The following GLI3 variants were observed in gnomAD, a reference collection of about 807,000 sequenced individuals.
GLI3 encodes GLI family zinc finger 3.
A neutral mutation model predicts 100.8 loss-of-function variants in GLI3; 20 were observed. The ratio of observed to expected loss-of-function variants is 0.20; its 90% CI spans 0.14 to 0.29. The LOEUF (loss-of-function observed/expected upper bound fraction) is 0.29. GLI3 is among the 10% of genes least tolerant of loss of function. GLI3 has a pLI of 1.00. For synonymous variants in GLI3, 938 were observed against 860.5 expected (o/e 1.09, Z -1.58); for missense variants, 2,040 against 2,128.5 (o/e 0.96, Z 0.82).
At chr7:42,016,071 G>C (rs1788751986) in intron 10 of GLI3, among the ~76,000 whole-genome samples, 1 of 152,078 alleles carries the variant, frequency 6.6e-6, no homozygotes, top group Non-Finnish European at 1.5e-5. Flanking sequence ...GCATCTCATG[G>C]GGAGAGGCCT....
chr7:42,237,741 C>T (rs1583669911), upstream of GLI3: 1 of 152,242 alleles, frequency 6.6e-6, no homozygotes, highest in Non-Finnish European at 1.5e-5. Flanking sequence ...CCTGCCGCCG[C>T]AGGGGGCGAA....
At chr7:41,977,476 C>T in intron 12 of GLI3, 82 bp downstream of exon 12, 10 of 1,415,798 alleles carry the variant, frequency 7.1e-6, no homozygotes, top group Non-Finnish European at 9.9e-6. Flanking sequence ...CAAAACAGAA[C>T]ACACTGCGCC....
chr7:42,085,119 C>A (rs116722714), intron 3 of GLI3, among the ~76,000 whole-genome samples: 4,522 of 151,766 alleles, frequency 0.03, 95 homozygotes, highest in African/African-American at 0.05. Flanking sequence ...ACCATGTGAG[C>A]CAGGCTGGTC....
chr7:42,148,465 T>C lies in GLI3; in HGVS notation c.128A>G (p.Asp43Gly). The C allele has an allele frequency of 1.2e-6, 2 of 1,613,596 alleles. No homozygotes were observed. Among genetic ancestry groups the C allele is most frequent in the Middle Eastern group, 1.7e-4 (1 of 6,048 alleles). Reference sequence around the variant, plus strand: ...GTGATAAGTCTGTCCAGGACTTTCATCCTCTAAAGAAAGAAGAAAAATGAA... The same window carrying C: ...GTGATAAGTCTGTCCAGGACTTTCACCCTCTAAAGAAAGAAGAAAAATGAA... Reference protein sequence around the residue: ...AVASSTTSNEDESPGQTYHRE... With the variant: ...AVASSTTSNEGESPGQTYHRE... Residue 43 changes from aspartate (D) to glycine (G), a missense_variant, in exon 3 of 15, where the codon GAT becomes GGT. Coordinates refer to ENST00000395925, the MANE Select transcript of GLI3 (RefSeq NM_000168.6).
At chr7:42,132,100 C>T (rs549413859) in intron 3 of GLI3, among the ~76,000 whole-genome samples, 49 of 128,714 alleles carry the variant, frequency 3.8e-4, no homozygotes, top group Middle Eastern at 4.0e-3. Context: ...TTTATTTATT[C>T]ATTTATTTAT....
intron 3 of GLI3, among the ~76,000 whole-genome samples, chr7:42,134,096 G>GA (rs897480480): frequency 5.1e-5 from 7 of 136,626 alleles, no homozygotes; most frequent in Middle Eastern, 4.0e-3. Flanking sequence ...AAAAAAAAAA[G>GA]AAAAAAAAAT....
intron 2 of GLI3, among the ~76,000 whole-genome samples, chr7:42,171,125 G>C (rs917227051): frequency 6.6e-6 from 1 of 152,108 alleles, no homozygotes; most frequent in African/African-American, 2.4e-5. Context: ...TCTCACCTTA[G>C]CTTCTAATAA....
At position 42,048,569 on chromosome 7, in the gene GLI3, T is replaced by C. The variant is rs766434502; in HGVS notation, c.601A>G (p.Met201Val). 1.9e-6 allele frequency: 3 copies of C among 1,612,402 alleles called. No individual in the cohort carries two copies. The highest frequency in any genetic ancestry group is 1.7e-5 in the Admixed American group (1 of 59,834). Residue 201 changes from methionine (M) to valine (V), a missense_variant, in exon 5 of 15, where the codon ATG becomes GTG. Coordinates refer to ENST00000395925, the MANE Select transcript of GLI3 (RefSeq NM_000168.6). ...SPPHPYINPY[M>V]DYIRSLHSSP... ...CTGTGCAAGGAGCGGATATAGTCCA[T>C]GTAGGGATTAATGTAGGGATGTGGA... is the stretch of plus-strand genomic sequence containing the variant.
chr7:42,132,003 C>A (rs1044914709), intron 3 of GLI3, among the ~76,000 whole-genome samples: 2 of 152,030 alleles, frequency 1.3e-5, no homozygotes, highest in African/African-American at 4.8e-5. Context: ...GTGACAAGTG[C>A]CCCTGGGACT....
chr7:42,040,249 A>G lies in GLI3; in HGVS notation c.827-10T>C, dbSNP rs371456706. 12 of 1,607,066 alleles carry G rather than the reference A, an allele frequency of 7.5e-6. No homozygotes were observed. The highest frequency in any genetic ancestry group is 1.0e-5 in the Non-Finnish European group (12 of 1,173,884). On this transcript the variant is annotated splice_polypyrimidine_tract_variant and intron_variant, in intron 6 of 14. Coordinates refer to ENST00000395925, the MANE Select transcript of GLI3 (RefSeq NM_000168.6). ...CTGGAGAATCTGGTGCCTGTTATAT[A>G]AACAAAAAAGAACCTAATTACCTGC...
At chr7:42,039,754 G>T (rs952416971) in intron 7 of GLI3, among the ~76,000 whole-genome samples, 1 of 152,150 alleles carries the variant, frequency 6.6e-6, no homozygotes, top group Non-Finnish European at 1.5e-5. Flanking sequence ...AAAAAGATTT[G>T]CCCTACTTAC....
chr7:42,027,522 A>G (rs541113095), intron 7 of GLI3, among the ~76,000 whole-genome samples: 1 of 152,340 alleles, frequency 6.6e-6, no homozygotes, highest in East Asian at 1.9e-4. Context: ...TTAAAGGAGA[A>G]TAAAATAATT....
chr7:42,220,043 G>A (rs935590754), intron 2 of GLI3, among the ~76,000 whole-genome samples: 8 of 152,006 alleles, frequency 5.3e-5, no homozygotes, highest in African/African-American at 1.2e-4. Flanking sequence ...TAGTAGAGAC[G>A]GGGTTTCACC....
rs1233837730 is a variant in GLI3, at chr7:42,200,974, A to G, written c.124+22156T>C. Reference sequence around the variant, plus strand: ...TATGTGCAATTTAGTTTTAAGTAATATTAAAATTCAGTACAGTAGTCCCCC... The same window carrying G: ...TATGTGCAATTTAGTTTTAAGTAATGTTAAAATTCAGTACAGTAGTCCCCC... On this transcript the variant is annotated intron_variant, in intron 2 of 14. Coordinates refer to ENST00000395925, the MANE Select transcript of GLI3 (RefSeq NM_000168.6). Among the ~76,000 whole-genome samples the G allele has an allele frequency of 2.6e-5, 4 of 152,126 alleles. No homozygotes were observed. In the South Asian group the frequency reaches 6.2e-4, roughly 24 times the overall value.
chr7:42,011,357 T>C (rs1788606300), intron 10 of GLI3, among the ~76,000 whole-genome samples: 1 of 152,180 alleles, frequency 6.6e-6, no homozygotes, highest in African/African-American at 2.4e-5. Context: ...GCTTTAGCAG[T>C]TTCTGAAATA....
At chr7:41,987,183 G>C (rs991586792) in intron 10 of GLI3, among the ~76,000 whole-genome samples, 2 of 151,562 alleles carry the variant, frequency 1.3e-5, no homozygotes, top group African/African-American at 4.8e-5. Flanking sequence ...TTTTGAGACA[G>C]AGTGAGACAG....
chr7:42,050,769 A>C (rs1784337336), intron 4 of GLI3, among the ~76,000 whole-genome samples: 1 of 152,200 alleles, frequency 6.6e-6, no homozygotes, highest in South Asian at 2.1e-4. Context: ...GACATTTCTT[A>C]CTGGCTTTTC....
At chr7:42,011,651 A>G (rs1788616095) in intron 10 of GLI3, among the ~76,000 whole-genome samples, 1 of 152,242 alleles carries the variant, frequency 6.6e-6, no homozygotes, top group Non-Finnish European at 1.5e-5. Context: ...AAAAAGGCAG[A>G]CATCGTACAA....
At chr7:42,240,290 A>G (rs78529207), upstream of GLI3, among the ~76,000 whole-genome samples, 4,932 of 152,302 alleles carry the variant, frequency 0.032, 250 homozygotes, top group African/African-American at 0.11. Flanking sequence ...TAAGCTTTTA[A>G]GACAGACTTT....
Sources: allele counts gnomAD v4.1 joint callset (sites outside exome capture counted in the v4.1 genomes callset), GRCh38; gene constraint gnomAD v4.1.1; transcripts MANE v1.5; gene names NCBI Gene and HGNC (gene_info 2026-07-23, HGNC 2026-07-21).